Variants in PRKG2 observed in about 807,000 individuals in gnomAD.
PRKG2 encodes protein kinase cGMP-dependent 2.
PRKG2 carries 33 observed loss-of-function variants against 97.2 expected under a neutral mutation model. The ratio of observed to expected loss-of-function variants is 0.34; its 90% CI spans 0.26 to 0.45. The LOEUF (loss-of-function observed/expected upper bound fraction) is 0.45, where lower values mean the gene tolerates loss of function less well. Among genes scored for constraint, PRKG2 ranks in the 20% least tolerant of loss-of-function variants. The probability of loss-of-function intolerance (pLI) is 1.00; values close to 1 mark genes in which losing one functional copy is unlikely to be tolerated. For synonymous variants in PRKG2, 330 were observed against 321.8 expected (o/e 1.03, Z -0.27); for missense variants, 638 against 900.0 (o/e 0.71, Z 3.73).
At chr4:81,090,991 G>A (rs942519517) in intron 18 of PRKG2, among the ~76,000 whole-genome samples, 4 of 152,078 alleles carry the variant, frequency 2.6e-5, no homozygotes, top group Non-Finnish European at 5.9e-5. Flanking sequence ...CCATAAAAAT[G>A]TAATTATAAC....
At chr4:81,116,779 C>T (rs935126574) in intron 14 of PRKG2, among the ~76,000 whole-genome samples, 1 of 151,620 alleles carries the variant, frequency 6.6e-6, no homozygotes, top group African/African-American at 2.4e-5. Context: ...TGATGTTGAG[C>T]ATTTTTTTCA....
chr4:81,179,142 A>G (rs961673446), intron 2 of PRKG2, among the ~76,000 whole-genome samples: 1 of 152,046 alleles, frequency 6.6e-6, no homozygotes, highest in African/African-American at 2.4e-5. Context: ...AACAAAAAAA[A>G]AAAGAAAAGA....
intron 6 of PRKG2, among the ~76,000 whole-genome samples, chr4:81,159,927 G>T (rs945676822): frequency 7.0e-6 from 1 of 143,340 alleles, no homozygotes; most frequent in Non-Finnish European, 1.5e-5. Flanking sequence ...CATGGACACA[G>T]GAAGGGGAAC....
chr4:81,137,625 G>A (rs562659371), intron 12 of PRKG2, 143 bp from the exon 13 acceptor site: 91 of 634,898 alleles, frequency 1.4e-4, no homozygotes, highest in East Asian at 9.0e-4. Context: ...TGGGCTTCTC[G>A]CCAAATCCTC....
intron 14 of PRKG2, among the ~76,000 whole-genome samples, chr4:81,121,912 A>G (rs1213726627): frequency 6.6e-6 from 1 of 152,220 alleles, no homozygotes; most frequent in East Asian, 1.9e-4. Context: ...CAATAATATC[A>G]ACGTTTAATA....
At chr4:81,090,765 C>T (rs950760823) in intron 18 of PRKG2, among the ~76,000 whole-genome samples, 7 of 152,164 alleles carry the variant, frequency 4.6e-5, no homozygotes. Context: ...TAAAACCTTC[C>T]ATTCCCACTT....
At chr4:81,096,382 A>C (rs1421913220) in intron 17 of PRKG2, among the ~76,000 whole-genome samples, 1 of 152,054 alleles carries the variant, frequency 6.6e-6, no homozygotes, top group Non-Finnish European at 1.5e-5. Context: ...AAAAATGTTA[A>C]AAAATTATCC....
intron 12 of PRKG2, among the ~76,000 whole-genome samples, 181 bp downstream of exon 12, chr4:81,140,352 C>A (rs1578407851): frequency 6.6e-6 from 1 of 152,046 alleles, no homozygotes; most frequent in Non-Finnish European, 1.5e-5. Context: ...GATGGATACC[C>A]CATTTTCCAT....
rs148909126 is a variant in PRKG2, at chr4:81,196,327, G to A, written c.461+8260C>T. Among the ~76,000 whole-genome samples, 291 of 152,272 alleles carry A rather than the reference G, an allele frequency of 1.9e-3. 1 individual carries two copies. The highest frequency in any genetic ancestry group is 6.4e-3 in the African/African-American group (267 of 41,562). On this transcript the variant is annotated intron_variant, in intron 2 of 18. Coordinates refer to ENST00000264399, the MANE Select transcript of PRKG2 (RefSeq NM_006259.3). ...ACGTCAGAGAAGATGACTTAAATAA[G>A]TCACACCTGGACTCTTGGCCCACTG...
chr4:81,117,933 C>T (rs570424472), intron 14 of PRKG2, among the ~76,000 whole-genome samples: 4 of 152,234 alleles, frequency 2.6e-5, no homozygotes, highest in Middle Eastern at 3.4e-3. Flanking sequence ...AGGTATCCAC[C>T]GCTGCAGTAT....
At chr4:81,128,170 A>G (rs929150500) in intron 14 of PRKG2, among the ~76,000 whole-genome samples, 1 of 152,178 alleles carries the variant, frequency 6.6e-6, no homozygotes, top group Admixed American at 6.5e-5. Flanking sequence ...CTTGCATCCC[A>G]GGGATGAAGC....
At chr4:81,159,350 A>G (rs1482453614) in intron 6 of PRKG2, among the ~76,000 whole-genome samples, 2 of 152,234 alleles carry the variant, frequency 1.3e-5, no homozygotes, top group Non-Finnish European at 2.9e-5. Context: ...CAAAAGACAC[A>G]TGAAAAAATG....
intron 13 of PRKG2, among the ~76,000 whole-genome samples, chr4:81,136,277 T>C (rs1293705707): frequency 6.6e-6 from 1 of 152,152 alleles, no homozygotes; most frequent in African/African-American, 2.4e-5. Flanking sequence ...GAACCATAAA[T>C]GCACATTAAA....
At chr4:81,139,897 C>T (rs1747102754) in intron 12 of PRKG2, among the ~76,000 whole-genome samples, 1 of 151,972 alleles carries the variant, frequency 6.6e-6, no homozygotes, top group Non-Finnish European at 1.5e-5. Flanking sequence ...CAGAGTGGGG[C>T]CTCCTCCACC....
chr4:81,210,966 A>G (rs1328520980), intron 1 of PRKG2, among the ~76,000 whole-genome samples: 1 of 152,162 alleles, frequency 6.6e-6, no homozygotes, highest in East Asian at 1.9e-4. Flanking sequence ...ACATTGTATG[A>G]TTTCAACTGT....
At chr4:81,112,239 G>A (rs1370939467) in intron 14 of PRKG2, among the ~76,000 whole-genome samples, 1 of 152,084 alleles carries the variant, frequency 6.6e-6, no homozygotes, top group Non-Finnish European at 1.5e-5. Context: ...CATCCACACA[G>A]AATGACTCAC....
intron 1 of PRKG2, among the ~76,000 whole-genome samples, chr4:81,214,395 G>A (rs1013396729): frequency 2.6e-5 from 4 of 151,736 alleles, no homozygotes; most frequent in African/African-American, 4.8e-5. Context: ...TGGTTTCTGG[G>A]CTTTGTTTGC....
At chr4:81,177,613 T>C (rs901308662) in intron 2 of PRKG2, among the ~76,000 whole-genome samples, 2 of 151,972 alleles carry the variant, frequency 1.3e-5, no homozygotes, top group African/African-American at 4.8e-5. Context: ...GGCAGGAGAA[T>C]GGCGTGAACC....
intron 3 of PRKG2, among the ~76,000 whole-genome samples, chr4:81,173,071 G>A (rs920812254): frequency 1.3e-5 from 2 of 152,068 alleles, no homozygotes; most frequent in African/African-American, 4.8e-5. Flanking sequence ...TCTTGAAATT[G>A]GTTATGGCTC....
Sources: gnomAD v4.1 joint callset for allele counts (sites outside exome capture counted in the v4.1 genomes callset) on GRCh38, gnomAD v4.1.1 for gene constraint, MANE v1.5 for transcripts, NCBI Gene and HGNC (gene_info 2026-07-23, HGNC 2026-07-21) for gene names.